The following EPCAM variants were observed in gnomAD, a reference collection of about 807,000 sequenced individuals.
The protein encoded by EPCAM is adenocarcinoma-associated antigen.
EPCAM carries 39 observed loss-of-function variants against 40.0 expected under a neutral mutation model. The ratio of observed to expected loss-of-function variants is 0.98; its 90% confidence interval spans 0.76 to 1.27. EPCAM has a LOEUF of 1.27. Among genes scored for constraint, EPCAM ranks in the 50% most tolerant of loss-of-function variants. The probability of loss-of-function intolerance (pLI) is 0.00; values close to 1 mark genes in which losing one functional copy is unlikely to be tolerated. For missense variants in EPCAM, 503 were observed against 381.2 expected, an observed-to-expected ratio of 1.32 and a Z score of -2.66; for synonymous variants, 168 against 132.3, an observed-to-expected ratio of 1.27 and a Z score of -1.85.
In EPCAM at chr2:47,375,300, G is replaced by T. The variant is rs606231203; in HGVS notation, c.491+1G>T. The T allele has an allele frequency of 2.5e-6, 4 of 1,602,626 alleles. No homozygotes were observed. Among genetic ancestry groups the T allele is most frequent in the Non-Finnish European group, 2.6e-6 (3 of 1,169,652 alleles). ...CTTATGATAGTAAAAGTTTGCGGAC[G>T]TAAGTGCAATTAAATGCATCATATT... On this transcript the variant is annotated splice_donor_variant, in intron 4 of 8. Coordinates refer to ENST00000263735, the MANE Select transcript of EPCAM (RefSeq NM_002354.3). LOFTEE classifies it high-confidence loss of function.
At chr2:47,371,699 A>G (rs2103742197) in intron 1 of EPCAM, among the ~76,000 whole-genome samples, 1 of 152,342 alleles carries the variant, frequency 6.6e-6, no homozygotes. Flanking sequence ...CCCCTTAGGT[A>G]TGAACAGTGT....
chr2:47,370,909 C>T (rs538405397), intron 1 of EPCAM, among the ~76,000 whole-genome samples: 13 of 152,198 alleles, frequency 8.5e-5, no homozygotes, highest in African/African-American at 2.9e-4. Context: ...AGAGGGGTTT[C>T]GCCATGTTGG....
chr2:47,381,315 G>A (rs139658144), intron 7 of EPCAM, among the ~76,000 whole-genome samples: 1,959 of 144,630 alleles, frequency 0.014, 20 homozygotes, highest in Middle Eastern at 0.048. Flanking sequence ...AGAATCACTT[G>A]AACCCAGGAG....
intron 5 of EPCAM, chr2:47,377,822 C>G (rs911760520): frequency 1.6e-5 from 7 of 441,688 alleles, no homozygotes; most frequent in South Asian, 8.4e-5. Context: ...TTACTTAACT[C>G]TTTAAACTCT....
At chr2:47,369,913 C>T (rs930914103) in intron 1 of EPCAM, 6 of 439,024 alleles carry the variant, frequency 1.4e-5, no homozygotes, top group African/African-American at 6.0e-5. Flanking sequence ...CCCTGGCGCA[C>T]CCACGTCCTC....
At chr2:47,370,576 A>T (rs914593162) in intron 1 of EPCAM, among the ~76,000 whole-genome samples, 1 of 144,192 alleles carries the variant, frequency 6.9e-6, no homozygotes, top group Non-Finnish European at 1.5e-5. Flanking sequence ...TGCCCGGCCT[A>T]TTTTATTTTT....
At chr2:47,381,180 C>G (rs1232442105) in intron 7 of EPCAM, among the ~76,000 whole-genome samples, 1 of 148,586 alleles carries the variant, frequency 6.7e-6, no homozygotes, top group East Asian at 2.0e-4. Flanking sequence ...GTGGATCACC[C>G]GAGGTCGGGA....
chr2:47,385,344 C>G, intron 8 of EPCAM, 134 bp downstream of exon 8: 1 of 769,628 alleles, frequency 1.3e-6, no homozygotes, highest in Non-Finnish European at 2.3e-6. Context: ...GTCTTAGGGA[C>G]AGTCTTAGAA....
At chr2:47,370,247 T>C (rs1048108694) in intron 1 of EPCAM, among the ~76,000 whole-genome samples, 1 of 152,132 alleles carries the variant, frequency 6.6e-6, no homozygotes, top group African/African-American at 2.4e-5. Flanking sequence ...AATTAGTAAT[T>C]AGGTGTATCT....
At chr2:47,379,743 A>G (rs759359621) in intron 6 of EPCAM, 26 bp from the exon 7 acceptor site, 3 of 1,610,330 alleles carry the variant, frequency 1.9e-6, no homozygotes, top group Non-Finnish European at 2.5e-6. Context: ...AAATATTTTT[A>G]ATTCCTTTTC....
At chr2:47,386,503 C>A (rs2103770585) in intron 8 of EPCAM, 69 bp from the exon 9 acceptor site, 2 of 1,164,940 alleles carry the variant, frequency 1.7e-6, no homozygotes, top group Non-Finnish European at 2.5e-6. Flanking sequence ...TTATTTAATA[C>A]TATTTTCAGA....
At chr2:47,370,788 C>T (rs1446791082) in intron 1 of EPCAM, among the ~76,000 whole-genome samples, 10 of 151,296 alleles carry the variant, frequency 6.6e-5, no homozygotes, top group African/African-American at 1.7e-4. Context: ...TGGAGTACAA[C>T]GGCGCGATCT....
At chr2:47,378,266 T>C (rs1468922103) in intron 5 of EPCAM, among the ~76,000 whole-genome samples, 1 of 151,312 alleles carries the variant, frequency 6.6e-6, no homozygotes, top group Admixed American at 6.6e-5. Flanking sequence ...GGAAAATGCA[T>C]GCTGCGTTTT....
chr2:47,385,255 T>G, intron 8 of EPCAM, 45 bp downstream of exon 8: 151 of 1,439,504 alleles, frequency 1.0e-4, no homozygotes, highest in Non-Finnish European at 1.3e-4. Flanking sequence ...GTTGAATCTC[T>G]TACTCCTAAT....
chr2:47,378,249 AC>A (rs1220152996), intron 5 of EPCAM, among the ~76,000 whole-genome samples: 1 of 151,984 alleles, frequency 6.6e-6, no homozygotes, highest in East Asian at 1.9e-4. Context: ...AAACAAAAAA[AC>A]AACATGGAAA....
chr2:47,379,734 A>C, intron 6 of EPCAM, 35 bp from the exon 7 acceptor site: 1 of 1,609,472 alleles, frequency 6.2e-7, no homozygotes, highest in Non-Finnish European at 8.5e-7. Context: ...GGTTTCCTTA[A>C]ATATTTTTAA....
chr2:47,372,322 A>G (rs1440255393), intron 1 of EPCAM, among the ~76,000 whole-genome samples: 1 of 152,108 alleles, frequency 6.6e-6, no homozygotes, highest in African/African-American at 2.4e-5. Context: ...TAGAATTGGA[A>G]TAGTTGATTT....
chr2:47,369,773 C>T (rs1292365776), intron 1 of EPCAM, 192 bp downstream of exon 1: 2 of 710,536 alleles, frequency 2.8e-6, no homozygotes, highest in East Asian at 5.5e-5. Context: ...AGGGCCGTCC[C>T]GGGGAGCAGC....
chr2:47,379,851 CTTTAA>C lies in EPCAM; in HGVS notation c.745_749del (p.Ile249LeufsTer3), dbSNP rs1671535875. 2.5e-6 allele frequency: 4 copies of C among 1,613,926 alleles called. No individual in the cohort carries two copies. The highest frequency in any genetic ancestry group is 2.7e-5 in the African/African-American group (2 of 74,860). On this transcript the variant is annotated frameshift_variant, in exon 7 of 9. Coordinates refer to ENST00000263735, the MANE Select transcript of EPCAM (RefSeq NM_002354.3). LOFTEE classifies it high-confidence loss of function. ...CAACTGGATCTGGATCCTGGTCAAA[CTTTAA>C]TTTATTATGTTGATGAAAAAGCACC...
Sources: gnomAD v4.1 joint callset for allele counts (sites outside exome capture counted in the v4.1 genomes callset) on GRCh38, gnomAD v4.1.1 for gene constraint, MANE v1.5 for transcripts, NCBI Gene and HGNC (gene_info 2026-07-23, HGNC 2026-07-21) for gene names.